The following SND1 variants were observed in gnomAD, a reference collection of about 807,000 sequenced individuals.
SND1 encodes the protein staphylococcal nuclease and tudor domain containing 1, also known as staphylococcal nuclease domain-containing protein 1.
SND1 carries 38 observed loss-of-function variants against 121.7 expected under a neutral mutation model. The ratio of observed to expected loss-of-function variants is 0.31; its 90% CI spans 0.24 to 0.41. The LOEUF (loss-of-function observed/expected upper bound fraction) is 0.41, where lower values mean the gene tolerates loss of function less well. Among genes scored for constraint, SND1 ranks in the 10% least tolerant of loss-of-function variants. SND1 has a pLI of 1.00. For missense variants in SND1, 868 were observed against 1,184.6 expected, an observed-to-expected ratio of 0.73 and a Z score of 3.92; for synonymous variants, 401 against 447.4, an observed-to-expected ratio of 0.90 and a Z score of 1.31.
chr7:127,745,468 T>G (rs1796965285), intron 10 of SND1, among the ~76,000 whole-genome samples: 1 of 152,186 alleles, frequency 6.6e-6, no homozygotes, highest in South Asian at 2.1e-4. Context: ...CAGATTTTTT[T>G]GTTTGTTTGT....
At chr7:127,764,259 T>C (rs556130568) in intron 10 of SND1, among the ~76,000 whole-genome samples, 1 of 152,270 alleles carries the variant, frequency 6.6e-6, no homozygotes, top group South Asian at 2.1e-4. Flanking sequence ...AAAAACACTT[T>C]TTGTTTCTTT....
chr7:127,818,576 G>A (rs1007547650), intron 11 of SND1, among the ~76,000 whole-genome samples: 10 of 152,088 alleles, frequency 6.6e-5, no homozygotes, highest in Non-Finnish European at 1.5e-5. Flanking sequence ...CCCAGTAATA[G>A]TGCAAATGAG....
chr7:127,736,256 A>G (rs1444139154), intron 10 of SND1, among the ~76,000 whole-genome samples: 3 of 152,262 alleles, frequency 2.0e-5, no homozygotes, highest in Non-Finnish European at 4.4e-5. Context: ...GGGAAAATTT[A>G]AAGAAGAAAA....
intron 12 of SND1, among the ~76,000 whole-genome samples, chr7:127,876,229 G>C (rs748814208): frequency 6.6e-6 from 1 of 152,084 alleles, no homozygotes; most frequent in South Asian, 2.1e-4. Flanking sequence ...TTCTGTGGTG[G>C]TTGTGGTGTG....
At chr7:127,766,684 A>G (rs1398505760) in intron 10 of SND1, among the ~76,000 whole-genome samples, 1 of 139,202 alleles carries the variant, frequency 7.2e-6, no homozygotes, top group Non-Finnish European at 1.5e-5. Flanking sequence ...CTGAGGCAGA[A>G]TGGCGTGAAC....
intron 10 of SND1, among the ~76,000 whole-genome samples, chr7:127,731,310 A>G (rs1796672117): frequency 1.3e-5 from 2 of 152,242 alleles, no homozygotes; most frequent in Non-Finnish European, 2.9e-5. Context: ...ATTCAGGATT[A>G]TTAGGCCAGT....
At chr7:127,831,723 C>T (rs539020637) in intron 11 of SND1, among the ~76,000 whole-genome samples, 9 of 152,134 alleles carry the variant, frequency 5.9e-5, no homozygotes, top group Non-Finnish European at 1.3e-4. Context: ...GAGGAGGCTA[C>T]TTTTTTGTGT....
At chr7:127,968,023 A>T (rs1183803379) in intron 15 of SND1, among the ~76,000 whole-genome samples, 1 of 152,204 alleles carries the variant, frequency 6.6e-6, no homozygotes, top group Non-Finnish European at 1.5e-5. Flanking sequence ...AAGTGAGAAC[A>T]CTAAGGCTCT....
chr7:127,836,098 T>C (rs146407028), intron 11 of SND1, among the ~76,000 whole-genome samples: 387 of 152,322 alleles, frequency 2.5e-3, no homozygotes, highest in Non-Finnish European at 4.4e-3. Flanking sequence ...TGATGTCAGA[T>C]AGAGACTCTT....
chr7:127,842,941 A>G (rs1477278437), intron 11 of SND1, among the ~76,000 whole-genome samples: 1 of 152,222 alleles, frequency 6.6e-6, no homozygotes, highest in Non-Finnish European at 1.5e-5. Flanking sequence ...AGTCTGACCC[A>G]GAAGAGGTTA....
At chr7:128,019,611 AG>A (rs1319611380) in intron 16 of SND1, among the ~76,000 whole-genome samples, 1 of 152,220 alleles carries the variant, frequency 6.6e-6, no homozygotes, top group East Asian at 1.9e-4. Flanking sequence ...AGTTGAAAAG[AG>A]AGGTAACTCC....
At chr7:127,723,582 A>G (rs1432378685) in intron 10 of SND1, among the ~76,000 whole-genome samples, 1 of 152,192 alleles carries the variant, frequency 6.6e-6, no homozygotes, top group African/African-American at 2.4e-5. Flanking sequence ...AGTTAATATA[A>G]TGAACCTTGA....
Position 127,671,498 on chromosome 7 carries a change from A to ATTTGTTTG in SND1, c.79-15106_79-15099dup, listed in dbSNP as rs570526492. 4.6e-5 allele frequency among the ~76,000 whole-genome samples: 7 copies of ATTTGTTTG among 152,154 alleles called. No individual in the cohort carries two copies. The South Asian group carries it at 1.5e-3, about 32-fold the overall frequency. On this transcript the variant is annotated intron_variant, in intron 1 of 23. Transcript: ENST00000354725. ...TGTTCTATGCGCACGCTCCTGGTTT[A>ATTTGTTTG]TTTGTTTGTTTGTTTGGAGATGGAG... is the stretch of plus-strand genomic sequence containing the variant.
At chr7:128,050,969 G>A (rs896724560) in intron 16 of SND1, among the ~76,000 whole-genome samples, 5 of 152,172 alleles carry the variant, frequency 3.3e-5, no homozygotes, top group Non-Finnish European at 5.9e-5. Flanking sequence ...CAAATCCACC[G>A]CTGGGCCCAT....
At position 128,074,685 on chromosome 7, in the gene SND1, G is replaced by A. The variant is rs1207292752; in HGVS notation, c.1963G>A (p.Glu655Lys). ...CGAGGAGGCCGCAAAGCAGAAGAAA[G>A]AGAAGGTACATGTGGCAGCCCAGCT... ...SAEEAAKQKKEKVWAHYEEQP... is the reference protein window; with the variant it reads ...SAEEAAKQKKKKVWAHYEEQP... Residue 655 changes from glutamate to lysine, a missense_variant, in exon 17 of 24, where the codon GAG becomes AAG. Physicochemically the swap from Glu to Lys is moderately conservative, Grantham distance 56. Around this residue, in one of 2 missense-constraint regions of SND1, gnomAD observed 743 missense variants for 1,071.3 expected, o/e 0.69. Transcript: ENST00000354725. The A allele has an allele frequency of 5.6e-6, 9 of 1,609,908 alleles. No individual in the cohort carries two copies. Among genetic ancestry groups the A allele is most frequent in the Non-Finnish European group, 6.8e-6 (8 of 1,178,204 alleles).
intron 16 of SND1, among the ~76,000 whole-genome samples, chr7:128,061,927 T>C (rs992018184): frequency 2.4e-4 from 37 of 152,386 alleles, no homozygotes; most frequent in African/African-American, 8.7e-4. Context: ...GCACTGGCGC[T>C]GCAGGAGCTC....
intron 14 of SND1, among the ~76,000 whole-genome samples, chr7:127,907,084 T>C (rs1459642765): frequency 6.6e-6 from 1 of 152,212 alleles, no homozygotes; most frequent in Non-Finnish European, 1.5e-5. Context: ...AGAGTAAAGC[T>C]TGAGCAAGTG....
rs950318108 is a variant in SND1, at chr7:128,031,800, C to G, written c.1779+40744C>G. 3.3e-3 allele frequency among the ~76,000 whole-genome samples: 492 copies of G among 147,184 alleles called. 1 individual carries two copies. Among genetic ancestry groups the G allele is most frequent in the Non-Finnish European group, 5.6e-3 (371 of 66,408 alleles). ...CCCGTCGCCGCCCGCCGCTGCCCGG[C>G]CCCCGGCGCGCCGCCGGCTCCGGCT... is the stretch of plus-strand genomic sequence containing the variant. On this transcript the variant is annotated intron_variant, in intron 16 of 23. Coordinates refer to ENST00000354725, the MANE Select transcript of SND1 (RefSeq NM_014390.4).
chr7:127,682,367 C>G (rs1043765080), intron 1 of SND1, among the ~76,000 whole-genome samples: 1 of 152,148 alleles, frequency 6.6e-6, no homozygotes, highest in African/African-American at 2.4e-5. Context: ...TGAATCACAC[C>G]ACGTCCCTCT....
Sources: gnomAD v4.1 joint callset for allele counts (sites outside exome capture counted in the v4.1 genomes callset) on GRCh38, gnomAD v4.1.1 for gene constraint, gnomAD v4.1.1 regional missense constraint, MANE v1.5 for transcripts, NCBI Gene and HGNC (gene_info 2026-07-23, HGNC 2026-07-21) for gene names.